The following TMEM86A variants were observed in gnomAD, a reference collection of about 807,000 sequenced individuals.
TMEM86A encodes the protein transmembrane protein 86A, also known as lysoplasmalogenase TMEM86A.
Under a neutral mutation model 19.8 loss-of-function variants are expected in TMEM86A, and 13 were observed. The ratio of observed to expected loss-of-function variants is 0.66; its 90% CI spans 0.43 to 1.04. TMEM86A has a LOEUF of 1.04. TMEM86A is among the 50% of genes least tolerant of loss of function. The pLI is 0.00. For missense variants in TMEM86A, 248 were observed against 306.8 expected, an observed-to-expected ratio of 0.81 and a Z score of 1.43; for synonymous variants, 128 against 129.9, an observed-to-expected ratio of 0.99 and a Z score of 0.10.
rs921402342 is a variant in TMEM86A, at chr11:18,698,834, G to A, written c.-53G>A. 4 of 664,090 alleles carry A rather than the reference G, an allele frequency of 6.0e-6. No homozygotes were observed. Among genetic ancestry groups the A allele is most frequent in the East Asian group, 3.1e-5 (1 of 32,030 alleles). 41.1% of individuals were successfully genotyped at this position (664,090 alleles called of 1,614,324 possible). On this transcript the variant is annotated 5_prime_UTR_variant, in exon 1 of 3. Transcript: ENST00000280734. ...GTCGCCGGCTTACCTGGCCGTGGGCGCGTCCTGGCCGCTGCAGCCCGGAGC... is the reference window on the plus strand; with the variant it reads ...GTCGCCGGCTTACCTGGCCGTGGGCACGTCCTGGCCGCTGCAGCCCGGAGC...
rs576685491 is a variant in TMEM86A, at chr11:18,701,419, T to C, written c.287-154T>C. Among the ~76,000 whole-genome samples, 1 of 152,146 alleles carries C rather than the reference T, an allele frequency of 6.6e-6. No individual in the cohort carries two copies. The highest frequency in any genetic ancestry group is 1.5e-5 in the Non-Finnish European group (1 of 67,998). On this transcript the variant is annotated intron_variant, in intron 2 of 2. Coordinates refer to ENST00000280734, the MANE Select transcript of TMEM86A (RefSeq NM_153347.3). This position sits in a 1 kb window ranked among gnomAD's most constrained non-coding sequence, Gnocchi z 5.3. ...TTCAGGGGACTGGGGTGGTGGTCTT[T>C]AACTTTAGATCTTCCTACCCCTGTT...
chr11:18,700,698 G>T, intron 1 of TMEM86A: 1 of 597,488 alleles, frequency 1.7e-6, no homozygotes, highest in Non-Finnish European at 2.9e-6. Flanking sequence ...ACACTAGGCT[G>T]CAGAAGGGTG....
chr11:18,700,833 G>A, intron 1 of TMEM86A, 100 bp from the exon 2 acceptor site: 3 of 1,487,340 alleles, frequency 2.0e-6, no homozygotes, highest in Admixed American at 1.8e-5. Context: ...AAGTGAGGTG[G>A]GGGTATGGAT....
chr11:18,700,267 C>T (rs561277484), intron 1 of TMEM86A, among the ~76,000 whole-genome samples: 2 of 152,306 alleles, frequency 1.3e-5, no homozygotes, highest in Admixed American at 6.5e-5. Context: ...CCCTCCCTTC[C>T]CCCAATCCTT....
Position 18,701,072 on chromosome 11 carries a change from T to C in TMEM86A, c.161T>C (p.Leu54Pro), listed in dbSNP as rs759092989. ...CLPIFCLWLF[L>P]LAHGLGFLLA... The stretch of plus-strand genomic sequence containing the variant: ...CCTATCTTCTGCCTCTGGCTCTTCC[T>C]TCTGGCCCATGGCCTGGGATTCCTG... Residue 54 changes from leucine (L) to proline (P), a missense_variant, in exon 2 of 3, where the codon CTT becomes CCT. Coordinates refer to ENST00000280734, the MANE Select transcript of TMEM86A (RefSeq NM_153347.3). The surrounding 1 kb of genome is among the most constrained non-coding windows in gnomAD (Gnocchi z 5.3). 5.6e-6 allele frequency: 9 copies of C among 1,614,182 alleles called. No individual in the cohort carries two copies. In the South Asian group the frequency reaches 9.9e-5, roughly 18 times the overall value.
Position 18,702,262 on chromosome 11 carries a change from A to C in TMEM86A, c.*253A>C. The C allele has an allele frequency of 3.8e-6, 2 of 530,224 alleles. No homozygotes were observed. Among genetic ancestry groups the C allele is most frequent in the Non-Finnish European group, 6.8e-6 (2 of 294,238 alleles). The allele number at this position is 530,224 out of a possible 1,614,324, so 32.8% of individuals were successfully genotyped here. ...CAGAAGTAGACATCTCCCCACCTCTACCCTATCAGGACTTTCAAAACCCCC... is the reference window on the plus strand; with the variant it reads ...CAGAAGTAGACATCTCCCCACCTCTCCCCTATCAGGACTTTCAAAACCCCC... On this transcript the variant is annotated 3_prime_UTR_variant, in exon 3 of 3. Transcript: ENST00000280734.
Position 18,698,877 on chromosome 11 carries a change from C to T in TMEM86A, c.-10C>T, listed in dbSNP as rs759567925. ...CCCGGAGCAGGGTGCCAGCCGCCGC[C>T]GCCGCCGCCATGGTGTCCCCGGTCA... is the stretch of plus-strand genomic sequence containing the variant. On this transcript the variant is annotated 5_prime_UTR_variant, in exon 1 of 3. Coordinates refer to ENST00000280734, the MANE Select transcript of TMEM86A (RefSeq NM_153347.3). 9 of 677,586 alleles carry T rather than the reference C, an allele frequency of 1.3e-5. No individual in the cohort carries two copies. In the South Asian group the frequency reaches 1.4e-4, roughly 10 times the overall value. The allele number at this position is 677,586 out of a possible 1,614,324, so 42.0% of individuals were successfully genotyped here. A position where few individuals can be genotyped will look rare whatever the true frequency, so the allele number is the denominator to read the frequency against.
At chr11:18,698,991 C>T in intron 1 of TMEM86A, 84 bp downstream of exon 1, 1 of 427,538 alleles carries the variant, frequency 2.3e-6, no homozygotes, top group African/African-American at 2.1e-5. Flanking sequence ...GCCGAGCTGC[C>T]GAAGGGGCCG....
chr11:18,700,262 C>T (rs543011267), intron 1 of TMEM86A, among the ~76,000 whole-genome samples: 1 of 152,314 alleles, frequency 6.6e-6, no homozygotes, highest in South Asian at 2.1e-4. Context: ...ACACACCCTC[C>T]CTTCCCCCAA....
rs539656287 is a variant in TMEM86A, at chr11:18,702,707, G to A, written c.*698G>A. On this transcript the variant is annotated 3_prime_UTR_variant, in exon 3 of 3. Coordinates refer to ENST00000280734, the MANE Select transcript of TMEM86A (RefSeq NM_153347.3). ...TCTCTCGGGCAAGCCCAAAGCTCAG[G>A]TCCCATACGCTACCCTTAGATCCTA... 5.8e-5 allele frequency: 9 copies of A among 155,318 alleles called. No homozygotes were observed. The highest frequency in any genetic ancestry group is 1.9e-4 in the African/African-American group (8 of 41,574). The allele number at this position is 155,318 out of a possible 1,614,324, so 9.6% of individuals were successfully genotyped here. A position where few individuals can be genotyped will look rare whatever the true frequency, so the allele number is the denominator to read the frequency against.
chr11:18,704,320 G>T lies in TMEM86A; in HGVS notation c.*2311G>T, dbSNP rs1293650390. On this transcript the variant is annotated 3_prime_UTR_variant, in exon 3 of 3. Transcript: ENST00000280734. ...CACCCTCAGGAACGGGAAAGGATGA[G>T]TTACGTTTATTGCCCCATCCCTTCA... 1 of 643,668 alleles carries T rather than the reference G, an allele frequency of 1.6e-6. No individual in the cohort carries two copies. Among genetic ancestry groups the T allele is most frequent in the Non-Finnish European group, 2.8e-6 (1 of 354,374 alleles). The allele number at this position is 643,668 out of a possible 1,614,324, so 39.9% of individuals were successfully genotyped here.
rs1156578983 is a variant in TMEM86A at position 18,699,268 on chromosome 11, G to C, written c.21+361G>C. ...GCGTAGGCGGACCACAGGGAGGCGTGGGGGCGGGGGATGCTGGGAGGATAA... is the reference window on the plus strand; with the variant it reads ...GCGTAGGCGGACCACAGGGAGGCGTCGGGGCGGGGGATGCTGGGAGGATAA... On this transcript the variant is annotated intron_variant, in intron 1 of 2. Coordinates refer to ENST00000280734, the MANE Select transcript of TMEM86A (RefSeq NM_153347.3). This position sits in a 1 kb window ranked among gnomAD's most constrained non-coding sequence, Gnocchi z 4.0. 2.6e-5 allele frequency among the ~76,000 whole-genome samples: 4 copies of C among 152,210 alleles called. No homozygotes were observed. Among genetic ancestry groups the C allele is most frequent in the African/African-American group, 9.7e-5 (4 of 41,442 alleles).
chr11:18,702,204 G>A lies in TMEM86A; in HGVS notation c.*195G>A. On this transcript the variant is annotated 3_prime_UTR_variant, in exon 3 of 3. Transcript: ENST00000280734. ...CTCGTGGTTCAGGACAATGCTGAGA[G>A]CTAAAAGAGCCAGCCTAATATCAGA... is the stretch of plus-strand genomic sequence containing the variant. 1 of 613,468 alleles carries A rather than the reference G, an allele frequency of 1.6e-6. No individual in the cohort carries two copies. Among genetic ancestry groups the A allele is most frequent in the Non-Finnish European group, 2.8e-6 (1 of 350,908 alleles). The allele number at this position is 613,468 out of a possible 1,614,324, so 38.0% of individuals were successfully genotyped here. A position where few individuals can be genotyped will look rare whatever the true frequency, so the allele number is the denominator to read the frequency against.
chr11:18,704,424 C>G lies in TMEM86A; in HGVS notation c.*2415C>G. 7.2e-7 allele frequency: 1 copy of G among 1,390,666 alleles called. No individual in the cohort carries two copies. The highest frequency in any genetic ancestry group is 1.0e-6 in the Non-Finnish European group (1 of 1,000,436). 86.1% of individuals were successfully genotyped at this position (1,390,666 alleles called of 1,614,324 possible). A position where few individuals can be genotyped will look rare whatever the true frequency, so the allele number is the denominator to read the frequency against. On this transcript the variant is annotated 3_prime_UTR_variant, in exon 3 of 3. Coordinates refer to ENST00000280734, the MANE Select transcript of TMEM86A (RefSeq NM_153347.3). ...GCCATGCAGAGGACAGGCCAAGAAA[C>G]TCCACATCATAACAGCCTCCTGATG...
In TMEM86A at chr11:18,698,788, C is replaced by T. The variant is rs1848124041; in HGVS notation, c.-99C>T. On this transcript the variant is annotated 5_prime_UTR_variant, in exon 1 of 3. Coordinates refer to ENST00000280734, the MANE Select transcript of TMEM86A (RefSeq NM_153347.3). ...CGGGCGCTCGGGAGGTATTGTCCGT[C>T]CCTCCGGGCTTTGTAGAATCGTCGC... The T allele has an allele frequency of 1.6e-6, 1 of 638,580 alleles. No homozygotes were observed. The highest frequency in any genetic ancestry group is 1.6e-5 in the South Asian group (1 of 61,382). The allele number at this position is 638,580 out of a possible 1,614,324, so 39.6% of individuals were successfully genotyped here. A position where few individuals can be genotyped will look rare whatever the true frequency, so the allele number is the denominator to read the frequency against.
rs765392913 is a variant in TMEM86A at position 18,701,899 on chromosome 11, T to C, written c.613T>C (p.Ser205Pro). The change falls in exon 3 of 3, where the codon TCT (serine) becomes CCT (proline). Residue 205 changes from serine (S) to proline (P), a missense_variant. Coordinates refer to ENST00000280734, the MANE Select transcript of TMEM86A (RefSeq NM_153347.3). This position sits in a 1 kb window ranked among gnomAD's most constrained non-coding sequence, Gnocchi z 5.3. ...CAAATTCTGTTTTCCTGTGCCCTAC[T>C]CTCGGGCGCTTATCATGTCCACCTA... ...LNKFCFPVPY[S>P]RALIMSTYYV... The C allele has an allele frequency of 6.2e-7, 1 of 1,614,120 alleles. No individual in the cohort carries two copies. Among genetic ancestry groups the C allele is most frequent in the Non-Finnish European group, 8.5e-7 (1 of 1,180,042 alleles).
In TMEM86A at chr11:18,701,197, G is replaced by A; in HGVS notation, c.286G>A (p.Gly96Ser). 1 of 1,613,268 alleles carries A rather than the reference G, an allele frequency of 6.2e-7. No individual in the cohort carries two copies. Among genetic ancestry groups the A allele is most frequent in the Non-Finnish European group, 8.5e-7 (1 of 1,179,738 alleles). Residue 96 changes from glycine to serine, a missense_variant and splice_region_variant, in exon 2 of 3, where the codon GGT becomes AGT. Coordinates refer to ENST00000280734, the MANE Select transcript of TMEM86A (RefSeq NM_153347.3). This position sits in a 1 kb window ranked among gnomAD's most constrained non-coding sequence, Gnocchi z 5.3. ...GCAGGACCAAGGATACTTCGTGCATGGTCAGTGGCCATAGTAGTTGCCTGG... is the reference window on the plus strand; with the variant it reads ...GCAGGACCAAGGATACTTCGTGCATAGTCAGTGGCCATAGTAGTTGCCTGG... ...IWQDQGYFVH[G>S]LLMFAVTHMF...
chr11:18,704,648 T>A lies in TMEM86A; in HGVS notation c.*2639T>A. 1.4e-6 allele frequency: 1 copy of A among 718,150 alleles called. No individual in the cohort carries two copies. The highest frequency in any genetic ancestry group is 2.4e-6 in the Non-Finnish European group (1 of 409,910). 44.5% of individuals were successfully genotyped at this position (718,150 alleles called of 1,614,324 possible). On this transcript the variant is annotated 3_prime_UTR_variant, in exon 3 of 3. Coordinates refer to ENST00000280734, the MANE Select transcript of TMEM86A (RefSeq NM_153347.3). ...ACCAGGAGCTGGACCCTGGGACCCT[T>A]AATCTTGGGTTGGCAGAGTGTGAAG...
In TMEM86A at chr11:18,704,423, ACT is replaced by A. The variant is rs2134152924; in HGVS notation, c.*2416_*2417del. The A allele has an allele frequency of 1.5e-6, 2 of 1,371,448 alleles. No homozygotes were observed. The highest frequency in any genetic ancestry group is 5.0e-5 in the East Asian group (2 of 39,998). The allele number at this position is 1,371,448 out of a possible 1,614,324, so 85.0% of individuals were successfully genotyped here. On this transcript the variant is annotated 3_prime_UTR_variant, in exon 3 of 3. Coordinates refer to ENST00000280734, the MANE Select transcript of TMEM86A (RefSeq NM_153347.3). ...GGCCATGCAGAGGACAGGCCAAGAA[ACT>A]CCACATCATAACAGCCTCCTGATGC...
Sources: allele counts gnomAD v4.1 joint callset (sites outside exome capture counted in the v4.1 genomes callset), GRCh38; gene constraint gnomAD v4.1.1; non-coding constraint Gnocchi (gnomAD v3.1); transcripts MANE v1.5; gene names NCBI Gene and HGNC (gene_info 2026-07-23, HGNC 2026-07-21).